The following PTPRM variants were observed in gnomAD, a reference collection of about 807,000 sequenced individuals.
PTPRM encodes receptor-type tyrosine-protein phosphatase mu.
In PTPRM, 47 loss-of-function variants were observed where a neutral mutation model predicts 186.7. That is an observed-to-expected ratio of 0.25 (90% confidence interval 0.20 to 0.32). The LOEUF is 0.32. Ranked by LOEUF, PTPRM falls within the 10% of genes least tolerant of loss-of-function variation. The probability of loss-of-function intolerance (pLI) is 1.00; values close to 1 mark genes in which losing one functional copy is unlikely to be tolerated. For missense variants in PTPRM, 1,494 were observed against 1,865.0 expected, an observed-to-expected ratio of 0.80 and a Z score of 3.66; for synonymous variants, 668 against 674.9, an observed-to-expected ratio of 0.99 and a Z score of 0.16.
At chr18:7,580,473 G>A (rs528776575) in intron 1 of PTPRM, among the ~76,000 whole-genome samples, 1 of 152,308 alleles carries the variant, frequency 6.6e-6, no homozygotes, top group South Asian at 2.1e-4. Flanking sequence ...ACCATTCACA[G>A]GTGACGCCAA....
At chr18:8,021,349 CACACACACACAT>C (rs1191352980) in intron 7 of PTPRM, among the ~76,000 whole-genome samples, 1 of 143,558 alleles carries the variant, frequency 7.0e-6, no homozygotes, top group African/African-American at 2.6e-5. Flanking sequence ...CACACACACA[CACACACACACAT>C]ATAAATTTTA....
intron 2 of PTPRM, among the ~76,000 whole-genome samples, chr18:7,869,707 T>C (rs1422628490): frequency 6.6e-6 from 1 of 152,212 alleles, no homozygotes; most frequent in East Asian, 1.9e-4. Flanking sequence ...CAATGATCTT[T>C]TCTTCCTGAA....
At chr18:8,291,091 C>T (rs2095038021) in intron 19 of PTPRM, among the ~76,000 whole-genome samples, 3 of 152,176 alleles carry the variant, frequency 2.0e-5, no homozygotes, top group Admixed American at 6.5e-5. Flanking sequence ...GGGATGTCCT[C>T]AGGGGCTAAA....
At chr18:7,654,160 G>A (rs1365508329) in intron 1 of PTPRM, among the ~76,000 whole-genome samples, 1 of 151,982 alleles carries the variant, frequency 6.6e-6, no homozygotes, top group Admixed American at 6.6e-5. Context: ...CACTTTTTAA[G>A]GCAGTTGTTC....
chr18:8,100,483 A>C (rs914860839), intron 11 of PTPRM, among the ~76,000 whole-genome samples: 16 of 152,200 alleles, frequency 1.1e-4, no homozygotes, highest in Non-Finnish European at 2.2e-4. Context: ...GTGCAAACTC[A>C]GAGTGAGATA....
intron 29 of PTPRM, among the ~76,000 whole-genome samples, chr18:8,382,800 A>G (rs947752960): frequency 6.6e-6 from 1 of 152,188 alleles, no homozygotes; most frequent in African/African-American, 2.4e-5. Flanking sequence ...GCAACCTTTG[A>G]CAATGAGATT....
chr18:8,054,297 TAATATATA>T (rs1336545593), intron 7 of PTPRM, among the ~76,000 whole-genome samples: 2 of 22,810 alleles, frequency 8.8e-5, no homozygotes, highest in African/African-American at 3.1e-4. Context: ...CTAGTAGTAG[TAATATATA>T]TATATATATA....
intron 14 of PTPRM, among the ~76,000 whole-genome samples, chr18:8,178,969 G>A (rs1358194665): frequency 2.6e-5 from 4 of 152,074 alleles, no homozygotes; most frequent in African/African-American, 4.8e-5. Flanking sequence ...GGTGCTCCTA[G>A]GCCTGTGAGA....
intron 7 of PTPRM, among the ~76,000 whole-genome samples, chr18:8,030,255 T>C (rs2085876716): frequency 6.6e-6 from 1 of 152,248 alleles, no homozygotes; most frequent in Non-Finnish European, 1.5e-5. Context: ...AGTTGTACCT[T>C]ATACGTCTTT....
rs779003794 is a variant in PTPRM at position 8,231,357 on chromosome 18, C to T, written c.2301-12701C>T. Among the ~76,000 whole-genome samples, 6 of 152,172 alleles carry T rather than the reference C, an allele frequency of 3.9e-5. 1 individual carries two copies. The highest frequency in any genetic ancestry group is 8.8e-5 in the Non-Finnish European group (6 of 68,038). ...TCCATCCTGCTCCTCTCCCAATTGC[C>T]ACTCAGTCCAGTTTCAGAGCGGGAA... is the stretch of plus-strand genomic sequence containing the variant. On this transcript the variant is annotated intron_variant, in intron 14 of 32. Transcript: ENST00000580170.
At chr18:7,891,351 A>ATT (rs1289041286) in intron 3 of PTPRM, among the ~76,000 whole-genome samples, 1 of 126,078 alleles carries the variant, frequency 7.9e-6, no homozygotes, top group African/African-American at 3.7e-5. Context: ...ATAACAGGTA[A>ATT]ATTTTTTTTT....
At chr18:7,707,481 A>ATAC (rs1224398779) in intron 1 of PTPRM, among the ~76,000 whole-genome samples, 1 of 151,870 alleles carries the variant, frequency 6.6e-6, no homozygotes, top group African/African-American at 2.4e-5. Context: ...AATAATAATA[A>ATAC]TAATAAAATT....
At chr18:8,313,863 G>C (rs1555862518) in intron 20 of PTPRM, among the ~76,000 whole-genome samples, 1 of 151,944 alleles carries the variant, frequency 6.6e-6, no homozygotes, top group African/African-American at 2.4e-5. Context: ...TTAAAATATG[G>C]ATTTGGGGCC....
intron 19 of PTPRM, among the ~76,000 whole-genome samples, chr18:8,256,239 A>G (rs929340061): frequency 1.3e-5 from 2 of 152,158 alleles, no homozygotes; most frequent in African/African-American, 4.8e-5. Context: ...CCCAACAGAT[A>G]CTGAGAGGCT....
intron 1 of PTPRM, among the ~76,000 whole-genome samples, chr18:7,770,012 C>G (rs1037244872): frequency 4.6e-5 from 7 of 152,060 alleles, no homozygotes; most frequent in African/African-American, 1.7e-4. Flanking sequence ...GTGATTCCCC[C>G]CTGTGAAACA....
intron 7 of PTPRM, among the ~76,000 whole-genome samples, chr18:8,024,395 G>A (rs1426835751): frequency 1.3e-5 from 2 of 152,050 alleles, no homozygotes; most frequent in African/African-American, 4.8e-5. Flanking sequence ...CATGGCTGTG[G>A]GTGTTTCTGT....
At chr18:7,798,468 G>A (rs2043785246) in intron 2 of PTPRM, among the ~76,000 whole-genome samples, 1 of 151,848 alleles carries the variant, frequency 6.6e-6, no homozygotes, top group Non-Finnish European at 1.5e-5. Context: ...GGAGGAGGTT[G>A]CAGTGAGTAG....
intron 23 of PTPRM, among the ~76,000 whole-genome samples, chr18:8,346,200 G>A (rs1259363912): frequency 2.6e-5 from 4 of 152,196 alleles, no homozygotes; most frequent in African/African-American, 7.2e-5. Context: ...CCTTTCTCTG[G>A]AAAGAGGAAA....
chr18:7,934,294 T>C (rs1003154920), intron 5 of PTPRM, among the ~76,000 whole-genome samples: 2 of 151,412 alleles, frequency 1.3e-5, no homozygotes, highest in African/African-American at 4.9e-5. Flanking sequence ...GTTTTTCAGC[T>C]GTTGGCCTAG....
Sources: gnomAD v4.1 joint callset for allele counts (sites outside exome capture counted in the v4.1 genomes callset) on GRCh38, gnomAD v4.1.1 for gene constraint, MANE v1.5 for transcripts, NCBI Gene and HGNC (gene_info 2026-07-23, HGNC 2026-07-21) for gene names.